Variants in AKT3 observed in about 807,000 individuals in gnomAD.
AKT3 encodes RAC-gamma serine/threonine-protein kinase.
A neutral mutation model predicts 65.3 loss-of-function variants in AKT3; 15 were observed. The ratio of observed to expected loss-of-function variants is 0.23; its 90% confidence interval spans 0.15 to 0.35. The LOEUF (loss-of-function observed/expected upper bound fraction) is 0.35. Among genes scored for constraint, AKT3 ranks in the 10% least tolerant of loss-of-function variants. AKT3 has a pLI of 1.00. For missense variants in AKT3, 243 were observed against 576.5 expected (o/e 0.42, Z 5.92); for synonymous variants, 206 against 183.8 (o/e 1.12, Z -0.98).
At chr1:243,528,247 G>T (rs1671290268) in intron 12 of AKT3, among the ~76,000 whole-genome samples, 1 of 152,040 alleles carries the variant, frequency 6.6e-6, no homozygotes, top group Non-Finnish European at 1.5e-5. Flanking sequence ...TCATTCCTGA[G>T]TGTATGAAAT....
At position 243,592,105 on chromosome 1, in the gene AKT3, C is replaced by A. The variant is rs575332006; in HGVS notation, c.697-19057G>T. Among the ~76,000 whole-genome samples, 156 of 152,062 alleles carry A rather than the reference C, an allele frequency of 1.0e-3. 1 individual carries two copies. Among genetic ancestry groups the A allele is most frequent in the Admixed American group, 0.01 (155 of 15,286 alleles). On this transcript the variant is annotated intron_variant, in intron 8 of 13. Coordinates refer to ENST00000673466, the MANE Select transcript of AKT3 (RefSeq NM_005465.7). ...AATCCCAGCACTTTGGGAGGCCAAG[C>A]TGGGCGGATCACGAGGTCAGGAGAT...
At chr1:243,784,161 ACT>A (rs1345619592) in intron 2 of AKT3, among the ~76,000 whole-genome samples, 1 of 152,126 alleles carries the variant, frequency 6.6e-6, no homozygotes, top group Non-Finnish European at 1.5e-5. Context: ...GTGTTCTAAG[ACT>A]CTCTGAGAAG....
intron 2 of AKT3, among the ~76,000 whole-genome samples, chr1:243,805,390 C>G (rs565146273): frequency 6.6e-6 from 1 of 152,254 alleles, no homozygotes; most frequent in South Asian, 2.1e-4. Context: ...AGCACGTTCC[C>G]CTCTGCCATC....
rs902202823 is a variant in AKT3, at chr1:243,728,253, T to G, written c.47-32537A>C. Among the ~76,000 whole-genome samples the G allele has an allele frequency of 7.7e-4, 117 of 152,146 alleles. 1 individual carries two copies. Among genetic ancestry groups the G allele is most frequent in the African/African-American group, 2.6e-3 (109 of 41,416 alleles). On this transcript the variant is annotated intron_variant, in intron 2 of 13. Transcript: ENST00000673466. Reference sequence around the variant, plus strand: ...CATAATGGTCATCATCCAATTTTAATCAAACACACACACACACCCAGTATT... The same window carrying G: ...CATAATGGTCATCATCCAATTTTAAGCAAACACACACACACACCCAGTATT...
intron 1 of AKT3, among the ~76,000 whole-genome samples, chr1:243,846,224 C>T (rs1382105531): frequency 6.6e-6 from 1 of 152,132 alleles, no homozygotes; most frequent in Non-Finnish European, 1.5e-5. Flanking sequence ...CCCCTCCCAT[C>T]CCCTAGTCCC....
intron 2 of AKT3, among the ~76,000 whole-genome samples, chr1:243,822,866 T>C (rs1174372486): frequency 6.6e-6 from 1 of 152,170 alleles, no homozygotes; most frequent in Non-Finnish European, 1.5e-5. Context: ...GAGGAGCTAG[T>C]ATCACTTCTT....
At chr1:243,610,121 T>C (rs182687013) in intron 8 of AKT3, among the ~76,000 whole-genome samples, 70 of 152,318 alleles carry the variant, frequency 4.6e-4, no homozygotes, top group Non-Finnish European at 7.5e-4. Context: ...ATTTTTGAAA[T>C]AAAAAGATAT....
rs200010012 is a variant in AKT3 at position 243,627,342 on chromosome 1, A to AG, written c.561+10268_561+10269insC. Among the ~76,000 whole-genome samples, 731 of 151,994 alleles carry AG rather than the reference A, an allele frequency of 4.8e-3. 8 individuals are homozygous for AG. The highest frequency in any genetic ancestry group is 0.017 in the African/African-American group (693 of 41,398). On this transcript the variant is annotated intron_variant, in intron 6 of 13. Transcript: ENST00000673466. ...GACCCTGTTTCAATTAAAAAAAAAA[A>AG]AAGAGAGAGAGACATACTGATTGAT...
At chr1:243,536,372 T>C (rs1041398568) in intron 12 of AKT3, among the ~76,000 whole-genome samples, 1 of 152,190 alleles carries the variant, frequency 6.6e-6, no homozygotes, top group Non-Finnish European at 1.5e-5. Flanking sequence ...CTTACATTTA[T>C]GTCTCCAATC....
intron 2 of AKT3, among the ~76,000 whole-genome samples, chr1:243,803,485 G>GA (rs1165771557): frequency 1.3e-5 from 2 of 152,116 alleles, no homozygotes; most frequent in Non-Finnish European, 2.9e-5. Flanking sequence ...TTATAAAAAA[G>GA]AAAAGGCTTC....
chr1:243,782,447 A>T (rs1690973704), intron 2 of AKT3, among the ~76,000 whole-genome samples: 1 of 152,194 alleles, frequency 6.6e-6, no homozygotes, highest in Non-Finnish European at 1.5e-5. Context: ...TTGTGTCCTC[A>T]TACAGAAGAA....
At chr1:243,756,568 AAAAT>A (rs1256039658) in intron 2 of AKT3, among the ~76,000 whole-genome samples, 3 of 152,362 alleles carry the variant, frequency 2.0e-5, no homozygotes, top group South Asian at 2.1e-4. Context: ...CATATTGATA[AAAAT>A]AAATAATGAA....
intron 2 of AKT3, among the ~76,000 whole-genome samples, chr1:243,721,449 T>C (rs934407552): frequency 6.6e-6 from 1 of 152,152 alleles, no homozygotes; most frequent in African/African-American, 2.4e-5. Flanking sequence ...GAAAAATGGA[T>C]AGTTGTCCCA....
intron 2 of AKT3, among the ~76,000 whole-genome samples, chr1:243,815,616 CT>C (rs200053952): frequency 1.7e-3 from 234 of 140,828 alleles, no homozygotes; most frequent in Middle Eastern, 3.6e-3. Context: ...ATCTATATTG[CT>C]TTTTTTTTTT....
chr1:243,779,469 A>C (rs933231021), intron 2 of AKT3, among the ~76,000 whole-genome samples: 8 of 152,136 alleles, frequency 5.3e-5, no homozygotes, highest in Admixed American at 4.6e-4. Context: ...AAGAACATTC[A>C]AACAGATCAA....
At chr1:243,545,479 A>G in intron 12 of AKT3, 31 bp downstream of exon 12, 1 of 1,398,566 alleles carries the variant, frequency 7.2e-7, no homozygotes, top group East Asian at 2.3e-5. Context: ...CAGCCAAAAT[A>G]TATACACACT....
intron 3 of AKT3, among the ~76,000 whole-genome samples, chr1:243,672,695 G>A (rs756062620): frequency 3.9e-5 from 6 of 152,180 alleles, no homozygotes; most frequent in Non-Finnish European, 7.3e-5. Flanking sequence ...TTGAAGTCAC[G>A]ATATGTTAAT....
intron 3 of AKT3, among the ~76,000 whole-genome samples, chr1:243,668,806 T>C (rs951152534): frequency 6.6e-6 from 1 of 152,148 alleles, no homozygotes; most frequent in Non-Finnish European, 1.5e-5. Flanking sequence ...AAGGGAGTGA[T>C]TATGATACTC....
rs188274327 is a variant in AKT3, at chr1:243,567,009, G to A, written c.820-3161C>T. 2.2e-4 allele frequency among the ~76,000 whole-genome samples: 33 copies of A among 152,310 alleles called. No homozygotes were observed. The East Asian group carries it at 5.8e-3, about 27-fold the overall frequency. ...AGTAACAAAACACAGGCTAGGCACA[G>A]TGGCTCATGCCTGTAATCCCAACAA... is the stretch of plus-strand genomic sequence containing the variant. On this transcript the variant is annotated intron_variant, in intron 9 of 13. Transcript: ENST00000673466.
Sources: gnomAD v4.1 joint callset for allele counts (sites outside exome capture counted in the v4.1 genomes callset) on GRCh38, gnomAD v4.1.1 for gene constraint, MANE v1.5 for transcripts, NCBI Gene and HGNC (gene_info 2026-07-23, HGNC 2026-07-21) for gene names.